The following SNX27 variants were observed in gnomAD, a reference collection of about 807,000 sequenced individuals.
The protein encoded by SNX27 is sorting nexin-27.
A neutral mutation model predicts 71.6 loss-of-function variants in SNX27; 22 were observed. That is an observed-to-expected ratio of 0.31 (90% CI 0.22 to 0.44). SNX27 has a LOEUF of 0.44. SNX27 is among the 20% of genes least tolerant of loss of function. The pLI, the probability that SNX27 is intolerant of heterozygous loss-of-function variation, is 1.00. For synonymous variants in SNX27, 269 were observed against 277.2 expected, an observed-to-expected ratio of 0.97 and a Z score of 0.29; for missense variants, 531 against 698.6, an observed-to-expected ratio of 0.76 and a Z score of 2.70.
At chr1:151,675,641 C>T (rs1670653715) in intron 7 of SNX27, among the ~76,000 whole-genome samples, 1 of 150,644 alleles carries the variant, frequency 6.6e-6, no homozygotes, top group Admixed American at 6.6e-5. Flanking sequence ...CCCACCTCTG[C>T]TTCTCAAGTA....
At chr1:151,633,979 T>C (rs539592968) in intron 1 of SNX27, among the ~76,000 whole-genome samples, 3 of 151,226 alleles carry the variant, frequency 2.0e-5, no homozygotes, top group African/African-American at 7.3e-5. Context: ...TGTGTTTTTT[T>C]TTTTTCTCTT....
chr1:151,662,072 C>T lies in SNX27; in HGVS notation c.802-94C>T, dbSNP rs575565090. ...GTTTTCATTGGAACTCACTTCTTCTCTACCACGTTTTAGGTTATTGTCTAG... is the reference window on the plus strand; with the variant it reads ...GTTTTCATTGGAACTCACTTCTTCTTTACCACGTTTTAGGTTATTGTCTAG... On this transcript the variant is annotated intron_variant, in intron 4 of 11. Transcript: ENST00000458013. The T allele has an allele frequency of 5.9e-5, 46 of 777,712 alleles. No individual in the cohort carries two copies. In the East Asian group the frequency reaches 1.3e-3, roughly 21 times the overall value. The allele number at this position is 777,712 out of a possible 1,614,324, so 48.2% of individuals were successfully genotyped here.
At chr1:151,675,151 AT>A (rs34395115) in intron 7 of SNX27, among the ~76,000 whole-genome samples, 113 of 142,154 alleles carry the variant, frequency 7.9e-4, no homozygotes, top group African/African-American at 1.3e-3. Flanking sequence ...TAGGGAATCC[AT>A]TTTTTTTTTT....
intron 1 of SNX27, among the ~76,000 whole-genome samples, chr1:151,625,784 C>CAAAA (rs773796738): frequency 2.4e-5 from 2 of 83,242 alleles, no homozygotes; most frequent in African/African-American, 4.4e-5. Context: ...ACTCTGTGTC[C>CAAAA]AAAAAAAAAA....
intron 5 of SNX27, among the ~76,000 whole-genome samples, chr1:151,665,719 G>T (rs1269411146): frequency 6.6e-6 from 1 of 152,148 alleles, no homozygotes; most frequent in Non-Finnish European, 1.5e-5. Context: ...GCAGATACAG[G>T]TGTTTTTTCC....
rs527301790 is a variant in SNX27, at chr1:151,612,927, C to A, written c.311+415C>A. ...GATCCAGCCAGTACCGTGTCCCCCC[C>A]AAGTTCTCATCTTCAGCATCGCAGT... On this transcript the variant is annotated intron_variant, in intron 1 of 11. Coordinates refer to ENST00000458013, the MANE Select transcript of SNX27 (RefSeq NM_001330723.2). This position sits in a 1 kb window ranked among gnomAD's most constrained non-coding sequence, Gnocchi z 5.2. 1.3e-5 allele frequency among the ~76,000 whole-genome samples: 2 copies of A among 152,108 alleles called. No homozygotes were observed. Among genetic ancestry groups the A allele is most frequent in the South Asian group, 4.2e-4 (2 of 4,812 alleles).
chr1:151,688,416 G>A (rs553429737), intron 8 of SNX27, among the ~76,000 whole-genome samples: 1 of 152,118 alleles, frequency 6.6e-6, no homozygotes, highest in Non-Finnish European at 1.5e-5. Context: ...GGCAGATCAC[G>A]AGGTCAGGAG....
chr1:151,675,691 T>C (rs1461520201), intron 7 of SNX27, among the ~76,000 whole-genome samples: 1 of 151,438 alleles, frequency 6.6e-6, no homozygotes, highest in Non-Finnish European at 1.5e-5. Context: ...TAGAGCCAGG[T>C]TGTTTTTTGA....
At chr1:151,646,830 T>C (rs1161424624) in intron 2 of SNX27, among the ~76,000 whole-genome samples, 1 of 151,946 alleles carries the variant, frequency 6.6e-6, no homozygotes, top group Admixed American at 6.6e-5. Context: ...CATAATACCT[T>C]CTGTGTGTGT....
At chr1:151,664,392 A>G (rs1670102887) in intron 5 of SNX27, among the ~76,000 whole-genome samples, 1 of 151,620 alleles carries the variant, frequency 6.6e-6, no homozygotes, top group Admixed American at 6.6e-5. Flanking sequence ...GCAACCTAGT[A>G]TTTTCATATT....
intron 8 of SNX27, chr1:151,685,592 G>C (rs919069455): frequency 6.6e-6 from 1 of 152,368 alleles, no homozygotes; most frequent in African/African-American, 2.4e-5. Flanking sequence ...TGAGGCCAGA[G>C]AATCGCTTGA....
intron 1 of SNX27, among the ~76,000 whole-genome samples, chr1:151,635,156 A>G (rs1418213888): frequency 8.5e-5 from 13 of 152,348 alleles, no homozygotes; most frequent in African/African-American, 3.1e-4. Flanking sequence ...AGGAGGTGAA[A>G]ATACTACCAA....
intron 1 of SNX27, among the ~76,000 whole-genome samples, chr1:151,631,795 C>T (rs1668248080): frequency 6.6e-6 from 1 of 152,074 alleles, no homozygotes. Context: ...AAGCAATCCT[C>T]TCAGGTAGCT....
At chr1:151,620,694 C>CTTTTTTTTTTTTT (rs35641892) in intron 1 of SNX27, among the ~76,000 whole-genome samples, 1 of 143,736 alleles carries the variant, frequency 7.0e-6, no homozygotes. Context: ...TTTGAAGATG[C>CTTTTTTTTTTTTT]TTTTTTTTTT....
rs961875460 is a variant in SNX27 at position 151,624,428 on chromosome 1, T to G, written c.311+11916T>G. Reference sequence around the variant, plus strand: ...TTGATTTTATATATATATATATATATATATGTATTTTTTTTTTTTTTGCGA... The same window carrying G: ...TTGATTTTATATATATATATATATAGATATGTATTTTTTTTTTTTTTGCGA... On this transcript the variant is annotated intron_variant, in intron 1 of 11. Coordinates refer to ENST00000458013, the MANE Select transcript of SNX27 (RefSeq NM_001330723.2). Among the ~76,000 whole-genome samples, 3 of 145,442 alleles carry G rather than the reference T, an allele frequency of 2.1e-5. No individual in the cohort carries two copies. In the Admixed American group the frequency reaches 2.1e-4, roughly 10 times the overall value.
At chr1:151,675,839 T>TTTTTTTTTTTTTTC (rs1670671768) in intron 7 of SNX27, 1 of 111,720 alleles carries the variant, frequency 9.0e-6, no homozygotes, top group Non-Finnish European at 1.8e-5. Flanking sequence ...TTTTTTTTTT[T>TTTTTTTTTTTTTTC]TTTTTTATAT....
In SNX27 at chr1:151,685,168, TA is replaced by T. The variant is rs934697777; in HGVS notation, c.1239+1733del. ...GTACTTGTAAAGACAGCAGAAAAGT[TA>T]AAAAAAAAATTGAAGTACAATGTCT... On this transcript the variant is annotated intron_variant, in intron 8 of 11. Transcript: ENST00000458013. Among the ~76,000 whole-genome samples the T allele has an allele frequency of 2.3e-4, 35 of 149,570 alleles. No homozygotes were observed. In the East Asian group the frequency reaches 5.3e-3, roughly 23 times the overall value.
chr1:151,657,287 CCT>C, intron 2 of SNX27, among the ~76,000 whole-genome samples: 1 of 152,114 alleles, frequency 6.6e-6, no homozygotes, highest in East Asian at 1.9e-4. Flanking sequence ...AATCCTCCCA[CCT>C]TAGCCTCCTG....
intron 2 of SNX27, among the ~76,000 whole-genome samples, chr1:151,645,260 T>C (rs1339151731): frequency 6.6e-6 from 1 of 152,258 alleles, no homozygotes; most frequent in Non-Finnish European, 1.5e-5. Flanking sequence ...CTCTGTTTCA[T>C]TGGTCTGTTC....
Sources: allele counts gnomAD v4.1 joint callset (sites outside exome capture counted in the v4.1 genomes callset), GRCh38; gene constraint gnomAD v4.1.1; non-coding constraint Gnocchi (gnomAD v3.1); transcripts MANE v1.5; gene names NCBI Gene and HGNC (gene_info 2026-07-23, HGNC 2026-07-21).